NBPF8: variants seen among roughly 807,000 people sequenced by gnomAD.
NBPF8 encodes NBPF member 8, also known as NBPF family member NBPF8.
At chr1:120,446,194 C>T (rs1316853536) in intron 8 of NBPF8, among the ~76,000 whole-genome samples, 4 of 151,144 alleles carry the variant, frequency 2.6e-5, no homozygotes, top group Non-Finnish European at 5.9e-5. Flanking sequence ...TGGGTAAGAA[C>T]AGAGATGGGA....
intron 12 of NBPF8, among the ~76,000 whole-genome samples, chr1:120,451,735 G>A (rs1661278163): frequency 6.8e-6 from 1 of 148,130 alleles, no homozygotes; most frequent in African/African-American, 2.5e-5. Context: ...TCTGCACCTG[G>A]CCTCATTTCT....
At chr1:120,468,990 C>A (rs1286759315), downstream of NBPF8, among the ~76,000 whole-genome samples, 2 of 152,210 alleles carry the variant, frequency 1.3e-5, no homozygotes, top group East Asian at 1.9e-4. Context: ...TTGACCCCTA[C>A]GGCTCTGAAG....
At chr1:120,422,682 T>G (rs1660607916) in intron 1 of NBPF8, among the ~76,000 whole-genome samples, 1 of 144,328 alleles carries the variant, frequency 6.9e-6, no homozygotes, top group Admixed American at 6.8e-5. Flanking sequence ...ATGATAAAAT[T>G]GCTGCAAGTA....
intron 13 of NBPF8, 29 bp from the exon 12 acceptor site, chr1:120,453,343 T>C (rs1661339237): frequency 1.4e-6 from 1 of 720,546 alleles, no homozygotes; most frequent in Non-Finnish European, 2.3e-6. Flanking sequence ...AAGTGGGAAA[T>C]ATCTGAACGA....
upstream of NBPF8, among the ~76,000 whole-genome samples, chr1:120,415,661 C>T (rs1202982362): frequency 1.3e-5 from 2 of 152,218 alleles, no homozygotes; most frequent in African/African-American, 2.4e-5. Context: ...AGACCACTCG[C>T]GCCCCTGACT....
At chr1:120,456,008 G>A (rs1452167308) in intron 16 of NBPF8, among the ~76,000 whole-genome samples, 10 of 151,968 alleles carry the variant, frequency 6.6e-5, no homozygotes, top group Admixed American at 3.3e-4. Flanking sequence ...CTTTATTTCT[G>A]CCTTCATTTT....
At chr1:120,420,874 G>A (rs1298401158) in intron 1 of NBPF8, among the ~76,000 whole-genome samples, 7 of 147,910 alleles carry the variant, frequency 4.7e-5, no homozygotes, top group South Asian at 2.1e-4. Flanking sequence ...ACCACTGCAG[G>A]CATTGAGAGG....
chr1:120,435,873 TA>T (rs1206163910), upstream of NBPF8, among the ~76,000 whole-genome samples: 2 of 146,866 alleles, frequency 1.4e-5, no homozygotes, highest in Admixed American at 1.3e-4. Context: ...CTCAAAAAAA[TA>T]AAAAAGTCAA....
intron 11 of NBPF8, among the ~76,000 whole-genome samples, chr1:120,450,309 G>A (rs1259870949): frequency 1.3e-5 from 2 of 151,932 alleles, no homozygotes; most frequent in East Asian, 3.8e-4. Context: ...GCTTCCTGGG[G>A]CACAGAGTCT....
chr1:120,435,701 AAAAAG>A (rs1263507415), upstream of NBPF8, among the ~76,000 whole-genome samples: 7 of 151,990 alleles, frequency 4.6e-5, no homozygotes, highest in South Asian at 2.1e-4. Context: ...AAAGAAAAAA[AAAAAG>A]AAAAGAAAAA....
At chr1:120,451,702 T>C (rs1661276536) in intron 12 of NBPF8, among the ~76,000 whole-genome samples, 1 of 148,742 alleles carries the variant, frequency 6.7e-6, no homozygotes, top group Non-Finnish European at 1.5e-5. Flanking sequence ...TCTTTTCTTC[T>C]TTCGTCTTTT....
At chr1:120,431,115 G>T (rs1660861525) in intron 3 of NBPF8, among the ~76,000 whole-genome samples, 4 of 146,396 alleles carry the variant, frequency 2.7e-5, no homozygotes, top group Non-Finnish European at 6.0e-5. Context: ...TGAAAATCAA[G>T]ATTATGTGTT....
exon 14 of NBPF8, chr1:120,453,407 G>T: frequency 1.1e-6 from 1 of 878,852 alleles, no homozygotes; most frequent in South Asian, 1.3e-5. Context: ...TGTTCAAGTT[G>T]AGGTGGCTGA....
Position 120,420,133 on chromosome 1 carries a change from G to A in NBPF8, n.269+15G>A, listed in dbSNP as rs2101436259. 7.0e-6 allele frequency among the ~76,000 whole-genome samples: 1 copy of A among 143,412 alleles called. No homozygotes were observed. Among genetic ancestry groups the A allele is most frequent in the Non-Finnish European group, 1.5e-5 (1 of 65,798 alleles). 94.1% of individuals were successfully genotyped at this position (143,412 alleles called of 152,430 possible). A position where few individuals can be genotyped will look rare whatever the true frequency, so the allele number is the denominator to read the frequency against. ...AGATCCCACAGGTAAAAACCCTGAG[G>A]CATTGCCAGCTCGATGGAGTCAGAG... is the stretch of plus-strand genomic sequence containing the variant. On this transcript the variant is annotated intron_variant and non_coding_transcript_variant, in intron 1 of 28. Transcript: ENST00000652355.
downstream of NBPF8, among the ~76,000 whole-genome samples, chr1:120,469,550 C>T (rs1452157619): frequency 6.6e-6 from 1 of 151,652 alleles, no homozygotes; most frequent in East Asian, 1.9e-4. Flanking sequence ...CTGTTTTTCT[C>T]CCAAACTGCA....
Position 120,462,968 on chromosome 1 carries a change from T to C in NBPF8, n.3234+2T>C, listed in dbSNP as rs1661634150. On this transcript the variant is annotated splice_donor_variant and non_coding_transcript_variant, in intron 21 of 24. Transcript: ENST00000583271. ...TTGGCTTGGCTCTTGACGTGGACAG[T>C]GAGTACCTTACTATGAAGGTGATAA... is the stretch of plus-strand genomic sequence containing the variant. 1.9e-6 allele frequency: 1 copy of C among 526,728 alleles called. No individual in the cohort carries two copies. The highest frequency in any genetic ancestry group is 3.3e-6 in the Non-Finnish European group (1 of 305,924). 32.6% of individuals were successfully genotyped at this position (526,728 alleles called of 1,614,324 possible). A position where few individuals can be genotyped will look rare whatever the true frequency, so the allele number is the denominator to read the frequency against.
At chr1:120,452,525 G>A (rs1439160125) in intron 13 of NBPF8, among the ~76,000 whole-genome samples, 194 bp downstream of exon 11, 1 of 152,060 alleles carries the variant, frequency 6.6e-6, no homozygotes, top group Non-Finnish European at 1.5e-5. Context: ...AGTATTGCAA[G>A]TGTCCCTCCT....
Position 120,454,133 on chromosome 1 carries a change from G to C in NBPF8, n.2568+19G>C, listed in dbSNP as rs1553249397. On this transcript the variant is annotated intron_variant and non_coding_transcript_variant, in intron 15 of 24. Transcript: ENST00000583271. ...ATTCCAGGTAGCCTCTGTTTTCCTTGTGTCTCATACCTCTCTCTAGGCTGA... is the reference window on the plus strand; with the variant it reads ...ATTCCAGGTAGCCTCTGTTTTCCTTCTGTCTCATACCTCTCTCTAGGCTGA... The C allele has an allele frequency of 1.9e-6, 3 of 1,611,252 alleles. No homozygotes were observed. The highest frequency in any genetic ancestry group is 2.5e-6 in the Non-Finnish European group (3 of 1,178,864).
chr1:120,426,816 A>C (rs1306406911), intron 2 of NBPF8, among the ~76,000 whole-genome samples: 2 of 152,022 alleles, frequency 1.3e-5, no homozygotes, highest in East Asian at 3.9e-4. Context: ...GGACAGACAT[A>C]GAATAACAAC....
Sources: gnomAD v4.1 joint callset for allele counts (sites outside exome capture counted in the v4.1 genomes callset) on GRCh38, gnomAD v4.1.1 for gene constraint, MANE v1.5 for transcripts, NCBI Gene and HGNC (gene_info 2026-07-23, HGNC 2026-07-21) for gene names.